Variants in CADPS observed in about 807,000 individuals in gnomAD.
CADPS encodes calcium dependent secretion activator.
In CADPS, 57 loss-of-function variants were observed where a neutral mutation model predicts 167.3. That is an observed-to-expected ratio of 0.34 (90% CI 0.28 to 0.42). The LOEUF is 0.42. Among genes scored for constraint, CADPS ranks in the 20% least tolerant of loss-of-function variants. CADPS has a pLI of 1.00. For synonymous variants in CADPS, 676 were observed against 635.3 expected, an observed-to-expected ratio of 1.06 and a Z score of -0.96; for missense variants, 1,414 against 1,738.1, an observed-to-expected ratio of 0.81 and a Z score of 3.32.
chr3:62,487,872 C>T (rs1397053263), intron 21 of CADPS, among the ~76,000 whole-genome samples: 2 of 152,176 alleles, frequency 1.3e-5, no homozygotes, highest in African/African-American at 4.8e-5. Context: ...TTTTAGCAAA[C>T]TCAATACATT....
At chr3:62,500,585 G>A (rs1319161998) in intron 17 of CADPS, 1 of 152,172 alleles carries the variant, frequency 6.6e-6, no homozygotes, top group Non-Finnish European at 1.5e-5. Context: ...ATGGGATATA[G>A]TGAAATAAAC....
At chr3:62,816,128 C>T (rs1266522129) in intron 1 of CADPS, among the ~76,000 whole-genome samples, 2 of 152,054 alleles carry the variant, frequency 1.3e-5, no homozygotes, top group African/African-American at 4.8e-5. Context: ...GCTATGAATA[C>T]TTAGCATATT....
rs752291623 is a variant in CADPS at position 62,438,097 on chromosome 3, T to G, written c.3777+7A>C. The G allele has an allele frequency of 2.5e-6, 4 of 1,591,668 alleles. No homozygotes were observed. Among genetic ancestry groups the G allele is most frequent in the Non-Finnish European group, 2.6e-6 (3 of 1,160,092 alleles). On this transcript the variant is annotated splice_region_variant and intron_variant, in intron 28 of 29. Transcript: ENST00000383710. The surrounding 1 kb of genome is among the most constrained non-coding windows in gnomAD (Gnocchi z 4.7). ...TGGTTTTCAAGGAGGAGAAGGCATT[T>G]ACTTACATCAAATAACCTTTCTATG...
intron 28 of CADPS, among the ~76,000 whole-genome samples, chr3:62,417,244 G>T (rs183171750): frequency 6.6e-4 from 86 of 129,356 alleles, no homozygotes; most frequent in Non-Finnish European, 1.2e-3. Context: ...TTTTCCAAAT[G>T]TACTTAACAC....
chr3:62,686,901 G>C (rs1034724429), intron 3 of CADPS, among the ~76,000 whole-genome samples: 1 of 152,078 alleles, frequency 6.6e-6, no homozygotes, highest in Non-Finnish European at 1.5e-5. Context: ...TAGAGAATTT[G>C]TCATTATTAC....
At chr3:62,676,044 AC>A (rs2076286872) in intron 3 of CADPS, among the ~76,000 whole-genome samples, 1 of 152,172 alleles carries the variant, frequency 6.6e-6, no homozygotes, top group African/African-American at 2.4e-5. Context: ...ACTTACTTTC[AC>A]AAAAAAGTAA....
chr3:62,474,170 T>TTTTTTTTTTTTTA lies in CADPS; in HGVS notation c.3477+2_3477+3insTAAAAAAAAAAAA, dbSNP rs1553783974. 88 of 1,475,244 alleles carry TTTTTTTTTTTTTA rather than the reference T, an allele frequency of 6.0e-5. No individual in the cohort carries two copies. The highest frequency in any genetic ancestry group is 3.6e-4 in the Middle Eastern group (2 of 5,568). The allele number at this position is 1,475,244 out of a possible 1,614,324, so 91.4% of individuals were successfully genotyped here. A position where few individuals can be genotyped will look rare whatever the true frequency, so the allele number is the denominator to read the frequency against. The stretch of plus-strand genomic sequence containing the variant: ...AAATCTGTATTTTTTTTTTTTTTTT[T>TTTTTTTTTTTTTA]ACCTCTTGGCCCATTTCCATGCTGC... On this transcript the variant is annotated splice_region_variant and intron_variant, in intron 24 of 29. Transcript: ENST00000383710.
chr3:62,804,749 G>A (rs2093987346), intron 1 of CADPS, among the ~76,000 whole-genome samples: 1 of 151,882 alleles, frequency 6.6e-6, no homozygotes, highest in Non-Finnish European at 1.5e-5. Flanking sequence ...AGATTACAAC[G>A]TATCACAGTG....
intron 8 of CADPS, among the ~76,000 whole-genome samples, chr3:62,581,502 T>C (rs985753757): frequency 6.8e-6 from 1 of 146,172 alleles, no homozygotes; most frequent in Non-Finnish European, 1.5e-5. Context: ...CATAGTGAGA[T>C]CCCACCTCTA....
At chr3:62,583,480 TGGTTG>T (rs1446444659) in intron 8 of CADPS, among the ~76,000 whole-genome samples, 3 of 152,128 alleles carry the variant, frequency 2.0e-5, no homozygotes, top group African/African-American at 7.2e-5. Context: ...GAAGAAAACC[TGGTTG>T]TACTTCATCC....
Position 62,474,169 on chromosome 3 carries a change from T to TTTTTTTTTTTTTTTTTTTTTTG in CADPS, c.3477+3_3477+4insCAAAAAAAAAAAAAAAAAAAAA. The TTTTTTTTTTTTTTTTTTTTTTG allele has an allele frequency of 6.8e-7, 1 of 1,471,838 alleles. No homozygotes were observed. Among genetic ancestry groups the TTTTTTTTTTTTTTTTTTTTTTG allele is most frequent in the Non-Finnish European group, 9.0e-7 (1 of 1,106,978 alleles). The allele number at this position is 1,471,838 out of a possible 1,614,324, so 91.2% of individuals were successfully genotyped here. The stretch of plus-strand genomic sequence containing the variant: ...AAAATCTGTATTTTTTTTTTTTTTT[T>TTTTTTTTTTTTTTTTTTTTTTG]TACCTCTTGGCCCATTTCCATGCTG... On this transcript the variant is annotated splice_donor_region_variant and intron_variant, in intron 24 of 29. Transcript: ENST00000383710.
At chr3:62,852,229 C>T (rs1036867716) in intron 1 of CADPS, among the ~76,000 whole-genome samples, 15 of 151,474 alleles carry the variant, frequency 9.9e-5, no homozygotes, top group Middle Eastern at 6.8e-3. Flanking sequence ...AATGTCCTCC[C>T]GTAGCTCAGA....
At chr3:62,840,328 A>G (rs1190821653) in intron 1 of CADPS, among the ~76,000 whole-genome samples, 1 of 152,228 alleles carries the variant, frequency 6.6e-6, no homozygotes, top group Non-Finnish European at 1.5e-5. Flanking sequence ...ACATCATACT[A>G]TTAAACGGCA....
chr3:62,724,470 T>TA (rs917999120), intron 3 of CADPS, among the ~76,000 whole-genome samples: 6 of 152,146 alleles, frequency 3.9e-5, no homozygotes, highest in Non-Finnish European at 7.4e-5. Context: ...GGTAATGACA[T>TA]AAAAAAATTC....
chr3:62,645,722 G>A lies in CADPS; in HGVS notation c.1325C>T (p.Thr442Ile), dbSNP rs146548123. The change falls in exon 6 of 30, where the codon ACC (threonine) becomes ATC (isoleucine). Residue 442 changes from threonine to isoleucine, a missense_variant and splice_region_variant. Around this residue, in one of 6 missense-constraint regions of CADPS, gnomAD observed 157 missense variants for 229.4 expected, o/e 0.68. Transcript: ENST00000383710. ...TGGACCCTGGAGAAACATAACTTAC[G>A]TTGGTTTAGAAGCCTCGGCCTGATC... ...QTDQAEASKP[T>I]WGTQGDFSTT... 3.3e-5 allele frequency: 54 copies of A among 1,613,852 alleles called. No individual in the cohort carries two copies. The highest frequency in any genetic ancestry group is 3.3e-4 in the Middle Eastern group (2 of 6,058).
intron 1 of CADPS, among the ~76,000 whole-genome samples, chr3:62,832,721 A>G (rs1036293645): frequency 6.6e-6 from 1 of 152,248 alleles, no homozygotes; most frequent in Admixed American, 6.5e-5. Flanking sequence ...TGCTTAGTCC[A>G]TATCTATAGA....
intron 8 of CADPS, among the ~76,000 whole-genome samples, chr3:62,581,914 A>T (rs1432246423): frequency 1.3e-5 from 2 of 152,210 alleles, no homozygotes; most frequent in African/African-American, 4.8e-5. Context: ...AAAGGCATCT[A>T]GGAGTTGCTG....
intron 8 of CADPS, among the ~76,000 whole-genome samples, chr3:62,578,498 T>C (rs940836515): frequency 1.3e-5 from 2 of 151,080 alleles, no homozygotes; most frequent in African/African-American, 4.9e-5. Context: ...TAGTCCCAGC[T>C]GCTTGGGAGG....
At chr3:62,621,121 C>T (rs992539691) in intron 6 of CADPS, among the ~76,000 whole-genome samples, 3 of 152,158 alleles carry the variant, frequency 2.0e-5, no homozygotes, top group Non-Finnish European at 2.9e-5. Flanking sequence ...TGTAAAACTT[C>T]TGTGAATTAA....
Sources: gnomAD v4.1 joint callset for allele counts (sites outside exome capture counted in the v4.1 genomes callset) on GRCh38, gnomAD v4.1.1 for gene constraint, gnomAD v4.1.1 regional missense constraint, Gnocchi (gnomAD v3.1) non-coding constraint, MANE v1.5 for transcripts, NCBI Gene and HGNC (gene_info 2026-07-23, HGNC 2026-07-21) for gene names.